Variants in RAPGEF2 observed in about 807,000 individuals in gnomAD.
The protein encoded by RAPGEF2 is Rap guanine nucleotide exchange factor 2.
In RAPGEF2, 54 loss-of-function variants were observed where a neutral mutation model predicts 186.7. That is an observed-to-expected ratio of 0.29 (90% CI 0.23 to 0.36). The LOEUF is 0.36. Ranked by LOEUF, RAPGEF2 falls within the 10% of genes least tolerant of loss-of-function variation. The probability of loss-of-function intolerance (pLI) is 1.00; values close to 1 mark genes in which losing one functional copy is unlikely to be tolerated. For synonymous variants in RAPGEF2, 712 were observed against 705.9 expected, an observed-to-expected ratio of 1.01 and a Z score of -0.14; for missense variants, 1,532 against 2,045.0, an observed-to-expected ratio of 0.75 and a Z score of 4.84.
rs1413903360 is a variant in RAPGEF2, at chr4:159,346,870, C to G, written c.3584C>G (p.Ala1195Gly). The change falls in exon 25 of 30, where the codon GCT (alanine) becomes GGT (glycine). Residue 1195 changes from alanine (A) to glycine (G), a missense_variant. Coordinates refer to ENST00000691494, the MANE Select transcript of RAPGEF2 (RefSeq NM_001394067.2). Reference sequence around the variant, plus strand: ...CCAAGGGCAGGGTCACAACAGAAAGCTCAGTCCCTGCCACAGCCCCAGCAG... The same window carrying G: ...CCAAGGGCAGGGTCACAACAGAAAGGTCAGTCCCTGCCACAGCCCCAGCAG... ...VAPRAGSQQK[A>G]QSLPQPQQQP... The G allele has an allele frequency of 3.1e-6, 5 of 1,614,024 alleles. No individual in the cohort carries two copies. Among genetic ancestry groups the G allele is most frequent in the Non-Finnish European group, 3.4e-6 (4 of 1,180,004 alleles).
intron 2 of RAPGEF2, among the ~76,000 whole-genome samples, chr4:159,187,011 A>G (rs1011434784): frequency 2.1e-4 from 32 of 152,132 alleles, no homozygotes; most frequent in African/African-American, 7.2e-4. Context: ...CTATAGTGCT[A>G]TAGAACACCA....
At position 159,243,806 on chromosome 4, in the gene RAPGEF2, G is replaced by T. The variant is rs1226371842; in HGVS notation, c.543+15G>T. 2.4e-6 allele frequency: 3 copies of T among 1,274,534 alleles called. No individual in the cohort carries two copies. Among genetic ancestry groups the T allele is most frequent in the African/African-American group, 1.5e-5 (1 of 65,606 alleles). 79.0% of individuals were successfully genotyped at this position (1,274,534 alleles called of 1,614,324 possible). A position where few individuals can be genotyped will look rare whatever the true frequency, so the allele number is the denominator to read the frequency against. On this transcript the variant is annotated intron_variant, in intron 7 of 29. Transcript: ENST00000691494. Reference sequence around the variant, plus strand: ...CTAAATCTCAGGTATTGTAATTTGTGTGTGGTCTTCTGACACTAACCTAAG... The same window carrying T: ...CTAAATCTCAGGTATTGTAATTTGTTTGTGGTCTTCTGACACTAACCTAAG...
chr4:159,145,864 T>G (rs2111176550), intron 1 of RAPGEF2, among the ~76,000 whole-genome samples: 1 of 152,184 alleles, frequency 6.6e-6, no homozygotes, highest in South Asian at 2.1e-4. Flanking sequence ...TGAGCAAAGA[T>G]GATGTGTAGT....
chr4:159,173,228 A>G (rs1418179512), intron 1 of RAPGEF2, among the ~76,000 whole-genome samples: 1 of 152,178 alleles, frequency 6.6e-6, no homozygotes, highest in Non-Finnish European at 1.5e-5. Flanking sequence ...GAAATTTTCT[A>G]TATTTAAAAC....
At chr4:159,253,232 C>G (rs996880079) in intron 7 of RAPGEF2, among the ~76,000 whole-genome samples, 1 of 152,234 alleles carries the variant, frequency 6.6e-6, no homozygotes, top group African/African-American at 2.4e-5. Flanking sequence ...TCTTAAAGAT[C>G]AGTTGCAATG....
rs1458341652 is a variant in RAPGEF2, at chr4:159,353,748, A to T, written c.4353A>T (p.Ala1451=). The T allele has an allele frequency of 6.2e-7, 1 of 1,613,312 alleles. No individual in the cohort carries two copies. Among genetic ancestry groups the T allele is most frequent in the Non-Finnish European group, 8.5e-7 (1 of 1,179,632 alleles). The change falls in exon 28 of 30, where the codon GCA becomes GCT. Residue 1451 remains alanine, a synonymous_variant. Coordinates refer to ENST00000691494, the MANE Select transcript of RAPGEF2 (RefSeq NM_001394067.2). This position sits in a 1 kb window ranked among gnomAD's most constrained non-coding sequence, Gnocchi z 4.3. ...DYSGDPAGLW[A]SSSHMDQIMF... Reference sequence around the variant, plus strand: ...CAGGGGATCCTGCAGGTTTATGGGCATCAAGCAGCCATATGGACCAAATTA... The same window carrying T: ...CAGGGGATCCTGCAGGTTTATGGGCTTCAAGCAGCCATATGGACCAAATTA...
chr4:159,344,373 G>C (rs1191585146), intron 23 of RAPGEF2, among the ~76,000 whole-genome samples: 1 of 152,122 alleles, frequency 6.6e-6, no homozygotes, highest in Non-Finnish European at 1.5e-5. Flanking sequence ...AAAGCTCAAA[G>C]TAGGGGGAGG....
At chr4:159,347,900 G>T (rs990841102) in intron 25 of RAPGEF2, among the ~76,000 whole-genome samples, 1 of 152,046 alleles carries the variant, frequency 6.6e-6, no homozygotes, top group Non-Finnish European at 1.5e-5. Context: ...GAATGAAACA[G>T]TTAATAAAAA....
intron 1 of RAPGEF2, among the ~76,000 whole-genome samples, chr4:159,170,691 C>G (rs1745821131): frequency 6.6e-6 from 1 of 152,142 alleles, no homozygotes. Context: ...CTTGGCTATA[C>G]AGAAACTTTT....
intron 4 of RAPGEF2, among the ~76,000 whole-genome samples, chr4:159,214,396 A>G (rs1750812712): frequency 6.6e-6 from 1 of 152,250 alleles, no homozygotes; most frequent in Non-Finnish European, 1.5e-5. Flanking sequence ...AGACAGCAGT[A>G]GATGAAGATT....
intron 1 of RAPGEF2, among the ~76,000 whole-genome samples, chr4:159,120,145 G>A (rs1739499024): frequency 6.6e-6 from 1 of 152,054 alleles, no homozygotes; most frequent in Admixed American, 6.6e-5. Context: ...TCAGCCTCCT[G>A]AGTAGCTGGG....
intron 1 of RAPGEF2, among the ~76,000 whole-genome samples, chr4:159,144,617 C>T (rs1230496213): frequency 2.0e-5 from 3 of 152,158 alleles, no homozygotes; most frequent in Non-Finnish European, 4.4e-5. Context: ...CATGTTTACT[C>T]TGTTGAACTG....
In RAPGEF2 at chr4:159,241,306, A is replaced by G. The variant is rs1753956089; in HGVS notation, c.463A>G (p.Ile155Val). The G allele has an allele frequency of 3.3e-6, 5 of 1,532,938 alleles. No individual in the cohort carries two copies. Among genetic ancestry groups the G allele is most frequent in the Non-Finnish European group, 3.5e-6 (4 of 1,144,924 alleles). 95.0% of individuals were successfully genotyped at this position (1,532,938 alleles called of 1,614,324 possible). A position where few individuals can be genotyped will look rare whatever the true frequency, so the allele number is the denominator to read the frequency against. Residue 155 changes from isoleucine (I) to valine (V), a missense_variant, in exon 6 of 30, where the codon ATT (isoleucine) becomes GTT (valine). By Grantham distance (29) the Ile-to-Val change is conservative. Coordinates refer to ENST00000691494, the MANE Select transcript of RAPGEF2 (RefSeq NM_001394067.2). ...CAACCAGAAAGGTGAAAGACAAACA[A>G]TTATTGACACTGTGGATCCTTATCC... Reference protein sequence around the residue: ...KINQKGERQTIIDTVDPYPMG... With the variant: ...KINQKGERQTVIDTVDPYPMG...
At chr4:159,177,214 C>CT (rs11362763) in intron 1 of RAPGEF2, among the ~76,000 whole-genome samples, 1,570 of 138,854 alleles carry the variant, frequency 0.011, 13 homozygotes, top group South Asian at 0.031. Context: ...ATTCATTCAA[C>CT]TTTTTTTTTT....
chr4:159,304,599 A>AAT lies in RAPGEF2; in HGVS notation c.675+129_675+130dup, dbSNP rs1295259740. On this transcript the variant is annotated intron_variant, in intron 8 of 29. Coordinates refer to ENST00000691494, the MANE Select transcript of RAPGEF2 (RefSeq NM_001394067.2). Reference sequence around the variant, plus strand: ...ATTACATGTGCATGTAAGTACATAAAATATTAATGTTTATTTCGTATATGT... The same window carrying AAT: ...ATTACATGTGCATGTAAGTACATAAAATATATTAATGTTTATTTCGTATATGT... The AAT allele has an allele frequency of 3.6e-6, 3 of 836,164 alleles. No homozygotes were observed. The African/African-American group carries it at 5.3e-5, about 15-fold the overall frequency. The allele number at this position is 836,164 out of a possible 1,614,324, so 51.8% of individuals were successfully genotyped here. A position where few individuals can be genotyped will look rare whatever the true frequency, so the allele number is the denominator to read the frequency against.
At chr4:159,138,791 T>C (rs1228028244) in intron 1 of RAPGEF2, among the ~76,000 whole-genome samples, 1 of 152,212 alleles carries the variant, frequency 6.6e-6, no homozygotes, top group Non-Finnish European at 1.5e-5. Context: ...CACTGGAGCA[T>C]AAAACTCTTC....
At chr4:159,200,902 A>G (rs1749333833) in intron 3 of RAPGEF2, among the ~76,000 whole-genome samples, 1 of 152,178 alleles carries the variant, frequency 6.6e-6, no homozygotes, top group South Asian at 2.1e-4. Flanking sequence ...TATAATTGAT[A>G]TATTTACATA....
chr4:159,331,665 G>A lies in RAPGEF2; in HGVS notation c.1611G>A (p.Ala537=), dbSNP rs150379967. 88 of 1,614,118 alleles carry A rather than the reference G, an allele frequency of 5.5e-5. No individual in the cohort carries two copies. In the East Asian group the frequency reaches 1.4e-3, roughly 25 times the overall value. Residue 537 remains alanine (A), a synonymous_variant, in exon 15 of 30, where the codon GCG becomes GCA. Transcript: ENST00000691494. ...MGGHLRLLNI[A]CAAKAKRRLM... ...GACACCTAAGGCTGTTGAATATCGC[G>A]TGTGCTGCTAAAGCAAAAAGAAGAT...
In RAPGEF2 at chr4:159,353,726, G is replaced by A. The variant is rs760582183; in HGVS notation, c.4331G>A (p.Gly1444Glu). Residue 1444 changes from glycine to glutamate, a missense_variant, in exon 28 of 30, where the codon GGG becomes GAG. Gly to Glu is a moderately conservative substitution (Grantham distance 98, BLOSUM62 -2). Coordinates refer to ENST00000691494, the MANE Select transcript of RAPGEF2 (RefSeq NM_001394067.2). The surrounding 1 kb of genome is among the most constrained non-coding windows in gnomAD (Gnocchi z 4.3). ...GGGCATACTCACTTTGATTATTCAGGGGATCCTGCAGGTTTATGGGCATCA... is the reference window on the plus strand; with the variant it reads ...GGGCATACTCACTTTGATTATTCAGAGGATCCTGCAGGTTTATGGGCATCA... ...PFGHTHFDYS[G>E]DPAGLWASSS... 2 of 1,609,366 alleles carry A rather than the reference G, an allele frequency of 1.2e-6. No individual in the cohort carries two copies. Among genetic ancestry groups the A allele is most frequent in the Admixed American group, 3.4e-5 (2 of 59,482 alleles).
Sources: allele counts gnomAD v4.1 joint callset (sites outside exome capture counted in the v4.1 genomes callset), GRCh38; gene constraint gnomAD v4.1.1; non-coding constraint Gnocchi (gnomAD v3.1); transcripts MANE v1.5; gene names NCBI Gene and HGNC (gene_info 2026-07-23, HGNC 2026-07-21).